Variants in GALR1 observed in about 807,000 individuals in gnomAD.
The protein encoded by GALR1 is galanin receptor 1.
Under a neutral mutation model 17.9 loss-of-function variants are expected in GALR1, and 11 were observed. The ratio of observed to expected loss-of-function variants is 0.62; its 90% CI spans 0.39 to 1.02. The LOEUF (loss-of-function observed/expected upper bound fraction) is 1.02, where lower values mean the gene tolerates loss of function less well. Among genes scored for constraint, GALR1 ranks in the 50% least tolerant of loss-of-function variants. GALR1 has a pLI of 0.01. For synonymous variants in GALR1, 206 were observed against 205.7 expected (o/e 1.00, Z -0.01); for missense variants, 441 against 456.9 (o/e 0.97, Z 0.32).
Position 77,270,973 on chromosome 18 carries a change from G to C in GALR1, c.*2071G>C, listed in dbSNP as rs1340241899. 1 of 152,176 alleles carries C rather than the reference G, an allele frequency of 6.6e-6. No individual in the cohort carries two copies. The highest frequency in any genetic ancestry group is 1.5e-5 in the Non-Finnish European group (1 of 68,038). The allele number at this position is 152,176 out of a possible 1,614,324, so 9.4% of individuals were successfully genotyped here. A position where few individuals can be genotyped will look rare whatever the true frequency, so the allele number is the denominator to read the frequency against. ...TTGCAAACTCCAGAACAACTTCTTT[G>C]GGTGTGAACTCACAAAACTGTGTAA... On this transcript the variant is annotated 3_prime_UTR_variant, in exon 3 of 3. Coordinates refer to ENST00000299727, the MANE Select transcript of GALR1 (RefSeq NM_001480.4).
In GALR1 at chr18:77,250,751, G is replaced by C. The variant is rs188067960; in HGVS notation, c.203G>C (p.Ser68Thr). 14 of 1,613,792 alleles carry C rather than the reference G, an allele frequency of 8.7e-6. No homozygotes were observed. The highest frequency in any genetic ancestry group is 1.2e-5 in the Non-Finnish European group (14 of 1,179,996). ...CGCAGCAAGCCGGGCAAGCCGCGGA[G>C]CACCACCAACCTGTTCATCCTCAAC... ...LARSKPGKPR[S>T]TTNLFILNLS... Residue 68 changes from serine (S) to threonine (T), a missense_variant, in exon 1 of 3, where the codon AGC (serine) becomes ACC (threonine). By Grantham distance (58) the Ser-to-Thr change is moderately conservative. Coordinates refer to ENST00000299727, the MANE Select transcript of GALR1 (RefSeq NM_001480.4).
intron 1 of GALR1, among the ~76,000 whole-genome samples, chr18:77,255,733 G>A (rs748392786): frequency 3.3e-5 from 5 of 152,166 alleles, no homozygotes; most frequent in African/African-American, 7.2e-5. Context: ...CTAGTTTTTC[G>A]ATGCATCCAG....
intron 2 of GALR1, among the ~76,000 whole-genome samples, chr18:77,264,133 C>CAAA (rs56102250): frequency 2.6e-4 from 15 of 57,270 alleles, no homozygotes; most frequent in African/African-American, 6.4e-4. Context: ...GACTCCATCT[C>CAAA]AAAAAAAAAA....
intron 1 of GALR1, among the ~76,000 whole-genome samples, chr18:77,253,090 C>A (rs1409037490): frequency 2.1e-5 from 3 of 144,692 alleles, no homozygotes; most frequent in Non-Finnish European, 4.5e-5. Flanking sequence ...TGGAAAAGAA[C>A]TCTAGCTTAG....
In GALR1 at chr18:77,269,171, A is replaced by G. The variant is rs1913010649; in HGVS notation, c.*269A>G. The G allele has an allele frequency of 2.5e-6, 1 of 394,512 alleles. No individual in the cohort carries two copies. The highest frequency in any genetic ancestry group is 3.5e-5 in the South Asian group (1 of 28,474). 24.4% of individuals were successfully genotyped at this position (394,512 alleles called of 1,614,324 possible). A position where few individuals can be genotyped will look rare whatever the true frequency, so the allele number is the denominator to read the frequency against. On this transcript the variant is annotated 3_prime_UTR_variant, in exon 3 of 3. Coordinates refer to ENST00000299727, the MANE Select transcript of GALR1 (RefSeq NM_001480.4). ...TGTACAGTTTTATTCCTCTTCAGACATGAAAGGGAACATATATATTCCATA... is the reference window on the plus strand; with the variant it reads ...TGTACAGTTTTATTCCTCTTCAGACGTGAAAGGGAACATATATATTCCATA...
chr18:77,260,297 C>A (rs1415688088), intron 2 of GALR1, among the ~76,000 whole-genome samples: 1 of 152,122 alleles, frequency 6.6e-6, no homozygotes, highest in Non-Finnish European at 1.5e-5. Flanking sequence ...CTCTCTGCGC[C>A]CTCTTTCATA....
intron 2 of GALR1, among the ~76,000 whole-genome samples, chr18:77,260,480 C>A (rs909837593): frequency 1.3e-5 from 2 of 152,180 alleles, no homozygotes; most frequent in Admixed American, 6.5e-5. Context: ...CACCTCATGA[C>A]CTAATTACCA....
chr18:77,267,511 A>G (rs71362710), intron 2 of GALR1, among the ~76,000 whole-genome samples: 8,972 of 152,200 alleles, frequency 0.059, 367 homozygotes, highest in Non-Finnish European at 0.088. Flanking sequence ...TCATCGGTCC[A>G]CTAGTTTCGA....
rs1252635221 is a variant in GALR1, at chr18:77,252,896, TCACCACCACCAC to T, written c.666+1697_666+1708del. ...ACCACCACCATCACCACCACCACCA[TCACCACCACCAC>T]CACCACCACCACCATCACCACCACC... On this transcript the variant is annotated intron_variant, in intron 1 of 2. Coordinates refer to ENST00000299727, the MANE Select transcript of GALR1 (RefSeq NM_001480.4). Among the ~76,000 whole-genome samples, 188 of 78,034 alleles carry T rather than the reference TCACCACCACCAC, an allele frequency of 2.4e-3. 3 individuals carry two copies. The highest frequency in any genetic ancestry group is 0.014 in the East Asian group (30 of 2,138). 51.2% of individuals were successfully genotyped at this position (78,034 alleles called of 152,430 possible).
At position 77,250,459 on chromosome 18, in the gene GALR1, T is replaced by G. The variant is rs1912371810; in HGVS notation, c.-90T>G. 1 of 1,321,908 alleles carries G rather than the reference T, an allele frequency of 7.6e-7. No individual in the cohort carries two copies. The highest frequency in any genetic ancestry group is 9.8e-7 in the Non-Finnish European group (1 of 1,017,546). 81.9% of individuals were successfully genotyped at this position (1,321,908 alleles called of 1,614,324 possible). ...TCCTAAACTCGCACTCTCCGTGCTT[T>G]GCGCCGGGACCCCTGGCCACCCCCG... On this transcript the variant is annotated 5_prime_UTR_variant, in exon 1 of 3. Coordinates refer to ENST00000299727, the MANE Select transcript of GALR1 (RefSeq NM_001480.4).
chr18:77,263,657 C>T (rs565472322), intron 2 of GALR1, among the ~76,000 whole-genome samples: 1 of 152,284 alleles, frequency 6.6e-6, no homozygotes, highest in South Asian at 2.1e-4. Flanking sequence ...ATCTAGCCCT[C>T]CCTCTACTCT....
Position 77,250,390 on chromosome 18 carries a change from G to A in GALR1, c.-159G>A, listed in dbSNP as rs374694586. Reference sequence around the variant, plus strand: ...GACGGTGCCACCAGGCACGGCCACCGGATCCCCGCTCCCGCTGGCTCGCGC... The same window carrying A: ...GACGGTGCCACCAGGCACGGCCACCAGATCCCCGCTCCCGCTGGCTCGCGC... On this transcript the variant is annotated 5_prime_UTR_variant, in exon 1 of 3. Coordinates refer to ENST00000299727, the MANE Select transcript of GALR1 (RefSeq NM_001480.4). 6.7e-3 allele frequency among the ~76,000 whole-genome samples: 1,015 copies of A among 152,238 alleles called. 20 individuals are homozygous for A. Among genetic ancestry groups the A allele is most frequent in the African/African-American group, 0.023 (970 of 41,556 alleles).
rs1371179441 is a variant in GALR1, at chr18:77,276,228, C to T, written c.*7326C>T. On this transcript the variant is annotated 3_prime_UTR_variant, in exon 3 of 3. Coordinates refer to ENST00000299727, the MANE Select transcript of GALR1 (RefSeq NM_001480.4). ...TTTTAATCTCTTCAGTTCTATCTGC[C>T]TAAGTGAGGAGAGTAGTTGTGGAGC... 2 of 152,174 alleles carry T rather than the reference C, an allele frequency of 1.3e-5. No homozygotes were observed. Among genetic ancestry groups the T allele is most frequent in the African/African-American group, 2.4e-5 (1 of 41,516 alleles). The allele number at this position is 152,174 out of a possible 1,614,324, so 9.4% of individuals were successfully genotyped here.
At chr18:77,259,423 A>ATGGTCATGGTGGTGATGC (rs1912766395) in intron 2 of GALR1, among the ~76,000 whole-genome samples, 1 of 118,972 alleles carries the variant, frequency 8.4e-6, no homozygotes, top group Non-Finnish European at 1.8e-5. Context: ...GGTGGTGATG[A>ATGGTCATGGTGGTGATGC]TGGTCATGGT....
rs754915181 is a variant in GALR1 at position 77,251,083 on chromosome 18, C to G, written c.535C>G (p.Pro179Ala). 3 of 1,610,718 alleles carry G rather than the reference C, an allele frequency of 1.9e-6. No homozygotes were observed. In the East Asian group the frequency reaches 6.7e-5, roughly 36 times the overall value. Residue 179 changes from proline to alanine, a missense_variant, in exon 1 of 3, where the codon CCG (proline) becomes GCG (alanine). Coordinates refer to ENST00000299727, the MANE Select transcript of GALR1 (RefSeq NM_001480.4). ...PVAYHQGLFH[P>A]RASNQTFCWE... The stretch of plus-strand genomic sequence containing the variant: ...GGCCTACCACCAGGGCCTCTTCCAC[C>G]CGCGCGCCAGCAACCAGACCTTCTG...
chr18:77,266,812 A>G (rs534846146), intron 2 of GALR1, among the ~76,000 whole-genome samples: 3 of 152,180 alleles, frequency 2.0e-5, no homozygotes, highest in Admixed American at 1.3e-4. Context: ...AACTGCCCCC[A>G]TGATTCAATT....
Position 77,258,624 on chromosome 18 carries a change from GTGA to G in GALR1, c.732+2404_732+2406del, listed in dbSNP as rs1329058917. ...GGTCATGGTGGTGATGGTGGTGGTGGTGATGGTGGTGATGGTGGTGGTGGTCAT... is the reference window on the plus strand; with the variant it reads ...GGTCATGGTGGTGATGGTGGTGGTGGTGGTGGTGATGGTGGTGGTGGTCAT... On this transcript the variant is annotated intron_variant, in intron 2 of 2. Coordinates refer to ENST00000299727, the MANE Select transcript of GALR1 (RefSeq NM_001480.4). Among the ~76,000 whole-genome samples the G allele has an allele frequency of 4.7e-5, 7 of 149,544 alleles. No homozygotes were observed. In the East Asian group the frequency reaches 6.0e-4, roughly 13 times the overall value.
chr18:77,263,582 T>C (rs1912878812), intron 2 of GALR1, among the ~76,000 whole-genome samples: 1 of 152,130 alleles, frequency 6.6e-6, no homozygotes, highest in Non-Finnish European at 1.5e-5. Flanking sequence ...TGCCTCTCGA[T>C]AGGGAGCTTA....
chr18:77,258,205 A>G (rs1034256707), intron 2 of GALR1, among the ~76,000 whole-genome samples: 3 of 152,232 alleles, frequency 2.0e-5, no homozygotes, highest in Admixed American at 6.5e-5. Context: ...ATTTAGATTT[A>G]TGTGAGTATA....
Sources: gnomAD v4.1 joint callset for allele counts (sites outside exome capture counted in the v4.1 genomes callset) on GRCh38, gnomAD v4.1.1 for gene constraint, MANE v1.5 for transcripts, NCBI Gene and HGNC (gene_info 2026-07-23, HGNC 2026-07-21) for gene names.